CDH12: variants seen among roughly 807,000 people sequenced by gnomAD.
The protein encoded by CDH12 is cadherin 12.
A neutral mutation model predicts 74.1 loss-of-function variants in CDH12; 41 were observed. That is an observed-to-expected ratio of 0.55 (90% confidence interval 0.43 to 0.72). The LOEUF (loss-of-function observed/expected upper bound fraction) is 0.72, where lower values mean the gene tolerates loss of function less well. Among genes scored for constraint, CDH12 ranks in the 30% least tolerant of loss-of-function variants. The pLI is 0.00. For missense variants in CDH12, 945 were observed against 977.2 expected (o/e 0.97, Z 0.44); for synonymous variants, 399 against 355.0 (o/e 1.12, Z -1.39).
chr5:22,637,467 A>C (rs985183691), intron 1 of CDH12, among the ~76,000 whole-genome samples: 1 of 152,246 alleles, frequency 6.6e-6, no homozygotes, highest in South Asian at 2.1e-4. Flanking sequence ...AAAGAAACTA[A>C]AACATTTTCT....
intron 2 of CDH12, among the ~76,000 whole-genome samples, chr5:22,439,453 C>A (rs376943873): frequency 1.3e-4 from 20 of 151,978 alleles, no homozygotes; most frequent in Non-Finnish European, 2.8e-4. Context: ...AATTCAGAAG[C>A]TTTGCTAGAA....
intron 3 of CDH12, among the ~76,000 whole-genome samples, chr5:22,355,050 C>G (rs954844343): frequency 1.3e-5 from 2 of 152,100 alleles, no homozygotes; most frequent in African/African-American, 4.8e-5. Context: ...ACAAAGCATG[C>G]TGTTTATCAT....
chr5:22,262,871 A>T (rs1753572209), intron 3 of CDH12, among the ~76,000 whole-genome samples: 1 of 152,070 alleles, frequency 6.6e-6, no homozygotes, highest in Non-Finnish European at 1.5e-5. Flanking sequence ...TCTGCACAGC[A>T]AAAGAAACTA....
chr5:22,428,177 A>C lies in CDH12; in HGVS notation c.-427-22826T>G, dbSNP rs545454105. On this transcript the variant is annotated intron_variant, in intron 2 of 14. Coordinates refer to ENST00000382254, the MANE Select transcript of CDH12 (RefSeq NM_004061.5). ...AGATAGATATATAGATGACAGATAG[A>C]TAGAAATACACACATATGTATATAT... 8.8e-5 allele frequency among the ~76,000 whole-genome samples: 12 copies of C among 136,642 alleles called. No individual in the cohort carries two copies. The South Asian group carries it at 2.6e-3, about 30-fold the overall frequency. 89.6% of individuals were successfully genotyped at this position (136,642 alleles called of 152,430 possible).
At chr5:22,324,906 C>G (rs919923357) in intron 3 of CDH12, among the ~76,000 whole-genome samples, 4 of 152,028 alleles carry the variant, frequency 2.6e-5, no homozygotes, top group Non-Finnish European at 4.4e-5. Flanking sequence ...AGCATAAACC[C>G]AAGCTGGCTA....
At chr5:22,749,955 T>C (rs1248138961) in intron 1 of CDH12, among the ~76,000 whole-genome samples, 2 of 152,234 alleles carry the variant, frequency 1.3e-5, no homozygotes, top group African/African-American at 2.4e-5. Context: ...TCAATTCATA[T>C]AGCTATCAAC....
chr5:21,949,316 G>C (rs1012763565), intron 6 of CDH12, among the ~76,000 whole-genome samples: 2 of 151,762 alleles, frequency 1.3e-5, no homozygotes, highest in South Asian at 2.1e-4. Flanking sequence ...CAGGCCTGGT[G>C]GGGGGCGCCT....
At chr5:22,714,639 C>A (rs896617302) in intron 1 of CDH12, among the ~76,000 whole-genome samples, 11 of 152,148 alleles carry the variant, frequency 7.2e-5, no homozygotes, top group African/African-American at 2.7e-4. Context: ...ATTCATATGA[C>A]CCTGCCCTAA....
At chr5:21,858,938 T>C (rs1177917694) in intron 6 of CDH12, among the ~76,000 whole-genome samples, 1 of 151,972 alleles carries the variant, frequency 6.6e-6, no homozygotes, top group Admixed American at 6.6e-5. Flanking sequence ...ACTGAGCTAA[T>C]TAACTTATGG....
chr5:22,177,759 A>T (rs1356891903), intron 4 of CDH12, among the ~76,000 whole-genome samples: 1 of 152,046 alleles, frequency 6.6e-6, no homozygotes, highest in African/African-American at 2.4e-5. Flanking sequence ...CACACAACTG[A>T]GAGAGGGGTT....
chr5:22,294,549 T>C (rs947804165), intron 3 of CDH12, among the ~76,000 whole-genome samples: 5 of 152,324 alleles, frequency 3.3e-5, no homozygotes, highest in South Asian at 2.1e-4. Flanking sequence ...CAAGGAACTT[T>C]AGATAAATTC....
Position 21,751,781 on chromosome 5 carries a change from T to C in CDH12, c.2341A>G (p.Met781Val). 3 of 1,614,064 alleles carry C rather than the reference T, an allele frequency of 1.9e-6. No homozygotes were observed. Among genetic ancestry groups the C allele is most frequent in the Non-Finnish European group, 2.5e-6 (3 of 1,179,964 alleles). Residue 781 changes from methionine to valine, a missense_variant, in exon 15 of 15, where the codon ATG (methionine) becomes GTG (valine). Met to Val is a conservative substitution (Grantham distance 21, BLOSUM62 1). Coordinates refer to ENST00000382254, the MANE Select transcript of CDH12 (RefSeq NM_004061.5). The stretch of plus-strand genomic sequence containing the variant: ...TTATAACTCTCTTCTTCGCCAAACA[T>C]GTCTGCCAAGACTTTAAAGCGGGGT... Reference protein sequence around the residue: ...WGPRFKVLADMFGEEESYNPD... With the variant: ...WGPRFKVLADVFGEEESYNPD...
At chr5:22,343,610 G>T (rs1490370392) in intron 3 of CDH12, among the ~76,000 whole-genome samples, 1 of 151,974 alleles carries the variant, frequency 6.6e-6, no homozygotes, top group East Asian at 1.9e-4. Context: ...TGGAGAGATG[G>T]GGTTTCACTG....
At chr5:22,590,674 G>A (rs575119517) in intron 1 of CDH12, among the ~76,000 whole-genome samples, 4 of 152,200 alleles carry the variant, frequency 2.6e-5, no homozygotes, top group African/African-American at 7.2e-5. Flanking sequence ...TTAAATTACT[G>A]TTGTCTTATT....
At chr5:22,622,153 A>G (rs72637725) in intron 1 of CDH12, among the ~76,000 whole-genome samples, 10,488 of 152,200 alleles carry the variant, frequency 0.069, 433 homozygotes, top group East Asian at 0.23. Flanking sequence ...AATTAGCAAA[A>G]GCTAAAAAAT....
At chr5:22,797,345 A>C (rs928023959) in intron 1 of CDH12, among the ~76,000 whole-genome samples, 1 of 152,166 alleles carries the variant, frequency 6.6e-6, no homozygotes, top group Non-Finnish European at 1.5e-5. Context: ...AATGGTGAGA[A>C]GTAAATTAGT....
At chr5:22,713,132 CTTTTTTTTTT>C in intron 1 of CDH12, among the ~76,000 whole-genome samples, 1 of 61,162 alleles carries the variant, frequency 1.6e-5, no homozygotes, top group Admixed American at 3.0e-4. Flanking sequence ...TATGCTAATT[CTTTTTTTTTT>C]TTTTTTTTTT....
intron 1 of CDH12, among the ~76,000 whole-genome samples, chr5:22,651,472 T>TA (rs1157243880): frequency 6.6e-6 from 1 of 152,048 alleles, no homozygotes; most frequent in African/African-American, 2.4e-5. Flanking sequence ...ATAGAAAGGA[T>TA]AATGAATGCA....
At chr5:22,453,569 C>T (rs1745138427) in intron 2 of CDH12, among the ~76,000 whole-genome samples, 1 of 151,944 alleles carries the variant, frequency 6.6e-6, no homozygotes, top group African/African-American at 2.4e-5. Context: ...TAGTGGTTAC[C>T]AGAGGCAGGG....
Sources: allele counts gnomAD v4.1 joint callset (sites outside exome capture counted in the v4.1 genomes callset), GRCh38; gene constraint gnomAD v4.1.1; transcripts MANE v1.5; gene names NCBI Gene and HGNC (gene_info 2026-07-23, HGNC 2026-07-21).